CPA4: variants seen among roughly 807,000 people sequenced by gnomAD.
The protein encoded by CPA4 is carboxypeptidase A3.
In CPA4, 49 loss-of-function variants were observed where a neutral mutation model predicts 54.7. That is an observed-to-expected ratio of 0.90 (90% CI 0.71 to 1.14). CPA4 has a LOEUF of 1.14. Ranked by LOEUF, CPA4 falls within the 50% of genes most tolerant of loss-of-function variation. CPA4 has a pLI of 0.00. For synonymous variants in CPA4, 215 were observed against 206.8 expected (o/e 1.04, Z -0.34); for missense variants, 487 against 525.1 (o/e 0.93, Z 0.71).
rs1301380174 is a variant in CPA4, at chr7:130,300,842, A to G, written c.312A>G (p.Glu104=). ...LQALLDNEDD[E]MQHNEGQERS... ...CCCTTTTAGACAATGAAGATGATGA[A>G]ATGCAACACAATGAAGGGCAAGAAC... The change falls in exon 4 of 11, where the codon GAA becomes GAG. Residue 104 remains glutamate (E), a synonymous_variant. Transcript: ENST00000222482. The G allele has an allele frequency of 6.2e-7, 1 of 1,613,636 alleles. No homozygotes were observed. Among genetic ancestry groups the G allele is most frequent in the Non-Finnish European group, 8.5e-7 (1 of 1,179,552 alleles).
chr7:130,305,993 C>T, intron 6 of CPA4, 73 bp downstream of exon 6: 1 of 1,287,046 alleles, frequency 7.8e-7, no homozygotes, highest in Non-Finnish European at 1.1e-6. Flanking sequence ...TGTGGCTGGG[C>T]CTGGGGCACG....
At position 130,318,897 on chromosome 7, in the gene CPA4, G is replaced by A. The variant is rs118021467; in HGVS notation, c.1079-3592G>A. ...CAAGTGCTGGGCCTTTTCCTAGATC[G>A]CCATTTTAGAGGAAAATAATTCTAA... On this transcript the variant is annotated intron_variant, in intron 10 of 10. Coordinates refer to ENST00000222482, the MANE Select transcript of CPA4 (RefSeq NM_016352.4). 9.2e-3 allele frequency among the ~76,000 whole-genome samples: 1,394 copies of A among 152,248 alleles called. 12 individuals carry two copies. Among genetic ancestry groups the A allele is most frequent in the Non-Finnish European group, 0.015 (1,050 of 68,030 alleles).
Position 130,323,283 on chromosome 7 carries a change from G to C in CPA4, c.*607G>C, listed in dbSNP as rs942191980. The C allele has an allele frequency of 6.6e-6, 1 of 151,344 alleles. No homozygotes were observed. The highest frequency in any genetic ancestry group is 1.9e-4 in the East Asian group (1 of 5,166). The allele number at this position is 151,344 out of a possible 1,614,324, so 9.4% of individuals were successfully genotyped here. On this transcript the variant is annotated 3_prime_UTR_variant, in exon 11 of 11. Transcript: ENST00000222482. ...TGCCCAGGCTGGAGTGTGATGGCTCGATCTTGGCTCACCACAACCTCTGCC... is the reference window on the plus strand; with the variant it reads ...TGCCCAGGCTGGAGTGTGATGGCTCCATCTTGGCTCACCACAACCTCTGCC...
rs183313611 is a variant in CPA4, at chr7:130,320,238, G to A, written c.1079-2251G>A. ...TTGAAAAATACATGTGCAGAACAGC[G>A]TTAATAGTGTGTTCCCATTTTTTGT... On this transcript the variant is annotated intron_variant, in intron 10 of 10. Coordinates refer to ENST00000222482, the MANE Select transcript of CPA4 (RefSeq NM_016352.4). 3.9e-5 allele frequency among the ~76,000 whole-genome samples: 6 copies of A among 152,304 alleles called. No homozygotes were observed. The East Asian group carries it at 9.6e-4, about 24-fold the overall frequency.
At chr7:130,293,924 G>A (rs1055872114) in intron 1 of CPA4, among the ~76,000 whole-genome samples, 6 of 152,046 alleles carry the variant, frequency 3.9e-5, no homozygotes, top group African/African-American at 7.2e-5. Flanking sequence ...TGCTCAACAC[G>A]CTCCATGCAG....
chr7:130,307,671 T>C (rs1220779960), intron 7 of CPA4, among the ~76,000 whole-genome samples: 1 of 151,818 alleles, frequency 6.6e-6, no homozygotes, highest in Non-Finnish European at 1.5e-5. Context: ...AGTCAATTTG[T>C]TCAAGTGAGG....
intron 4 of CPA4, among the ~76,000 whole-genome samples, chr7:130,302,920 C>T (rs546127093): frequency 9.7e-4 from 147 of 152,262 alleles, no homozygotes; most frequent in Non-Finnish European, 1.5e-3. Flanking sequence ...GGCATCATCT[C>T]CCACCCTCCA....
chr7:130,320,040 G>T (rs550073736), intron 10 of CPA4, among the ~76,000 whole-genome samples: 1 of 152,132 alleles, frequency 6.6e-6, no homozygotes. Context: ...CAAAACATCA[G>T]CCTTTGGGAT....
At chr7:130,298,943 G>C (rs569801746) in intron 2 of CPA4, 116 bp downstream of exon 2, 46 of 680,144 alleles carry the variant, frequency 6.8e-5, no homozygotes, top group Non-Finnish European at 9.0e-5. Context: ...AATCCTGTGG[G>C]AGTCCACTTG....
At position 130,308,413 on chromosome 7, in the gene CPA4, A is replaced by G. The variant is rs748455880; in HGVS notation, c.793+16A>G. 1 of 1,605,446 alleles carries G rather than the reference A, an allele frequency of 6.2e-7. No individual in the cohort carries two copies. The highest frequency in any genetic ancestry group is 1.1e-5 in the South Asian group (1 of 90,878). ...AGTTTTGCAGGTAGGCGGTGGGGAG[A>G]CAGTTCTCAAATCCTGCTGTCCCTG... On this transcript the variant is annotated intron_variant, in intron 8 of 10. Coordinates refer to ENST00000222482, the MANE Select transcript of CPA4 (RefSeq NM_016352.4).
chr7:130,313,149 A>G (rs78263309), intron 10 of CPA4, among the ~76,000 whole-genome samples: 275 of 152,330 alleles, frequency 1.8e-3, no homozygotes, highest in African/African-American at 6.4e-3. Context: ...TTTTGATCTC[A>G]GATTGACTGT....
At chr7:130,311,612 C>G (rs1793916279) in intron 9 of CPA4, among the ~76,000 whole-genome samples, 1 of 152,022 alleles carries the variant, frequency 6.6e-6, no homozygotes, top group South Asian at 2.1e-4. Context: ...CTGCAACACC[C>G]AACTCTTTGA....
intron 8 of CPA4, 124 bp downstream of exon 8, chr7:130,308,521 A>C: frequency 1.4e-6 from 1 of 716,686 alleles, no homozygotes; most frequent in Non-Finnish European, 2.5e-6. Context: ...TCACTGAGAG[A>C]CTGAGGAGCA....
At position 130,299,286 on chromosome 7, in the gene CPA4, C is replaced by G. The variant is rs759428633; in HGVS notation, c.167C>G (p.Ser56Cys). ...SNNLKLNFWK[S>C]PSSFNRPVDV... is the part of the protein sequence containing the mutation. ...TCCCTTCAGCTCAATTTCTGGAAAT[C>G]TCCCTCCTCCTTCAATCGGCCTGTG... is the stretch of plus-strand genomic sequence containing the variant. Residue 56 changes from serine to cysteine, a missense_variant, in exon 3 of 11, where the codon TCT (serine) becomes TGT (cysteine). Coordinates refer to ENST00000222482, the MANE Select transcript of CPA4 (RefSeq NM_016352.4). 6 of 1,614,002 alleles carry G rather than the reference C, an allele frequency of 3.7e-6. No individual in the cohort carries two copies. In the East Asian group the frequency reaches 8.9e-5, roughly 24 times the overall value.
At chr7:130,309,972 G>T (rs1053677411) in intron 8 of CPA4, among the ~76,000 whole-genome samples, 4 of 152,146 alleles carry the variant, frequency 2.6e-5, no homozygotes, top group African/African-American at 9.7e-5. Context: ...TTGCCATGTT[G>T]CCCAGACTGG....
intron 6 of CPA4, 85 bp from the exon 7 acceptor site, chr7:130,306,702 C>G: frequency 1.3e-6 from 1 of 791,456 alleles, no homozygotes; most frequent in South Asian, 1.5e-5. Flanking sequence ...TAGCTGGTTG[C>G]TGGGCATCTT....
intron 10 of CPA4, among the ~76,000 whole-genome samples, chr7:130,318,776 T>C (rs2117166239): frequency 6.6e-6 from 1 of 152,222 alleles, no homozygotes; most frequent in East Asian, 1.9e-4. Flanking sequence ...GTCCTTGTTT[T>C]TTCAAAAAAA....
intron 1 of CPA4, chr7:130,293,488 C>A: frequency 2.1e-6 from 1 of 477,012 alleles, no homozygotes; most frequent in South Asian, 2.2e-5. Flanking sequence ...CCTGCCAGTT[C>A]TTTTTCTGCC....
intron 10 of CPA4, among the ~76,000 whole-genome samples, chr7:130,315,107 AG>A (rs557207318): frequency 1.0e-3 from 153 of 150,230 alleles, no homozygotes; most frequent in African/African-American, 3.5e-3. Flanking sequence ...CTTAGGTGTG[AG>A]GGGGGGAATT....
Sources: gnomAD v4.1 joint callset for allele counts (sites outside exome capture counted in the v4.1 genomes callset) on GRCh38, gnomAD v4.1.1 for gene constraint, MANE v1.5 for transcripts, NCBI Gene and HGNC (gene_info 2026-07-23, HGNC 2026-07-21) for gene names.